Variants in PCDHA3 observed in about 807,000 individuals in gnomAD.
PCDHA3 encodes protocadherin alpha-3.
A neutral mutation model predicts 62.2 loss-of-function variants in PCDHA3; 41 were observed. That is an observed-to-expected ratio of 0.66 (90% CI 0.51 to 0.86). PCDHA3 has a LOEUF of 0.86. Ranked by LOEUF, PCDHA3 falls within the 40% of genes least tolerant of loss-of-function variation. PCDHA3 has a pLI of 0.00. For missense variants in PCDHA3, 1,304 were observed against 1,241.2 expected, an observed-to-expected ratio of 1.05 and a Z score of -0.76; for synonymous variants, 640 against 555.4, an observed-to-expected ratio of 1.15 and a Z score of -2.14.
chr5:140,883,484 T>C, intron 1 of PCDHA3: 1 of 1,614,066 alleles, frequency 6.2e-7, no homozygotes, highest in Non-Finnish European at 8.5e-7. Flanking sequence ...GAACTACTAC[T>C]CATTAGTGCT....
intron 1 of PCDHA3, chr5:140,816,920 G>A (rs1453114177): frequency 3.9e-5 from 6 of 152,042 alleles, no homozygotes; most frequent in African/African-American, 1.2e-4. Context: ...TATAGATTCT[G>A]CTGAATCCTA....
At chr5:140,964,482 G>A (rs1554227054) in intron 1 of PCDHA3, among the ~76,000 whole-genome samples, 1 of 152,144 alleles carries the variant, frequency 6.6e-6, no homozygotes, top group African/African-American at 2.4e-5. Flanking sequence ...TTTTTTCACA[G>A]TCACAGGTCT....
intron 1 of PCDHA3, among the ~76,000 whole-genome samples, chr5:140,945,892 G>T (rs1351699782): frequency 1.3e-5 from 2 of 152,018 alleles, no homozygotes; most frequent in African/African-American, 4.8e-5. Context: ...AGAAAACACA[G>T]TGGGAAAGAT....
intron 1 of PCDHA3, chr5:140,812,355 T>C (rs1413967981): frequency 6.6e-6 from 1 of 152,176 alleles, no homozygotes; most frequent in Non-Finnish European, 1.5e-5. Flanking sequence ...CTCTTTTGTT[T>C]CTGACTTCCA....
At chr5:140,863,101 C>T in intron 1 of PCDHA3, 1 of 580,234 alleles carries the variant, frequency 1.7e-6, no homozygotes, top group Non-Finnish European at 3.4e-6. Flanking sequence ...GACGAGTACC[C>T]TGGACGAGGC....
At chr5:140,956,085 A>T (rs1338013265) in intron 1 of PCDHA3, among the ~76,000 whole-genome samples, 1 of 152,214 alleles carries the variant, frequency 6.6e-6, no homozygotes, top group Admixed American at 6.5e-5. Context: ...GGATCATGTC[A>T]TCTGCAAACA....
At chr5:140,991,026 T>A (rs1003749305) in intron 3 of PCDHA3, among the ~76,000 whole-genome samples, 8 of 152,210 alleles carry the variant, frequency 5.3e-5, no homozygotes, top group Admixed American at 2.0e-4. Context: ...ACTTTACATA[T>A]GTTGCATACT....
chr5:140,857,394 A>G, intron 1 of PCDHA3: 1 of 1,598,398 alleles, frequency 6.3e-7, no homozygotes, highest in Non-Finnish European at 8.6e-7. Flanking sequence ...GACGTGAACG[A>G]CAACGCGCCT....
intron 1 of PCDHA3, chr5:140,856,310 C>T (rs782387382): frequency 5.0e-6 from 8 of 1,598,548 alleles, no homozygotes; most frequent in Non-Finnish European, 6.8e-6. Context: ...TGTGAATTCT[C>T]GGATTGACCG....
chr5:140,993,134 A>G (rs2097542279), intron 3 of PCDHA3, among the ~76,000 whole-genome samples: 1 of 152,238 alleles, frequency 6.6e-6, no homozygotes, highest in African/African-American at 2.4e-5. Flanking sequence ...CTTCTGTTGC[A>G]ACAAGTATAA....
At chr5:140,876,309 TG>T (rs782243460) in intron 1 of PCDHA3, 8 of 1,613,946 alleles carry the variant, frequency 5.0e-6, no homozygotes, top group Non-Finnish European at 6.8e-6. Flanking sequence ...AAATTTCCTA[TG>T]GGATCAAAAT....
At chr5:140,862,769 C>A (rs782429555) in intron 1 of PCDHA3, 1 of 578,770 alleles carries the variant, frequency 1.7e-6, no homozygotes. Context: ...AAGAGGTACG[C>A]GTTGCAGCCA....
intron 1 of PCDHA3, among the ~76,000 whole-genome samples, chr5:140,840,582 C>T (rs1776775651): frequency 6.6e-6 from 1 of 151,916 alleles, no homozygotes; most frequent in African/African-American, 2.4e-5. Flanking sequence ...TCAGAGAAAT[C>T]ATAAAGGAAA....
rs183950754 is a variant in PCDHA3, at chr5:140,960,187, T to G, written c.2395-18762T>G. On this transcript the variant is annotated intron_variant, in intron 1 of 3. Coordinates refer to ENST00000522353, the MANE Select transcript of PCDHA3 (RefSeq NM_018906.3). ...CAATTCTTAAGTTAGGGGTTGCATG[T>G]GTAGTGGTCAGATGTTATTTCAGGA... 3.5e-3 allele frequency among the ~76,000 whole-genome samples: 529 copies of G among 152,196 alleles called. 22 individuals are homozygous for G. Among genetic ancestry groups the G allele is most frequent in the Admixed American group, 0.032 (493 of 15,274 alleles).
At chr5:140,870,992 T>G (rs782714479) in intron 1 of PCDHA3, 3 of 1,613,478 alleles carry the variant, frequency 1.9e-6, no homozygotes, top group Non-Finnish European at 2.5e-6. Flanking sequence ...ACGGGCGAGA[T>G]AAGCACAACG....
Position 140,858,600 on chromosome 5 carries a change from T to A in PCDHA3, c.2394+55009T>A, listed in dbSNP as rs1554151852. The stretch of plus-strand genomic sequence containing the variant: ...GTAATATAATTTATTCCAGGAGTTT[T>A]AAAATTTTTTTATCCTACCCAGTGT... On this transcript the variant is annotated intron_variant, in intron 1 of 3. Coordinates refer to ENST00000522353, the MANE Select transcript of PCDHA3 (RefSeq NM_018906.3). 7.0e-6 allele frequency: 9 copies of A among 1,293,864 alleles called. 2 individuals are homozygous for A. The highest frequency in any genetic ancestry group is 3.0e-5 in the African/African-American group (2 of 67,188). The allele number at this position is 1,293,864 out of a possible 1,614,324, so 80.1% of individuals were successfully genotyped here.
At position 140,802,095 on chromosome 5, in the gene PCDHA3, G is replaced by A; in HGVS notation, c.898G>A (p.Gly300Arg). The change falls in exon 1 of 4, where the codon GGA (glycine) becomes AGA (arginine). Residue 300 changes from glycine to arginine, a missense_variant. Gly to Arg is a moderately radical substitution (Grantham distance 125). Transcript: ENST00000522353. ...LSKFHLDPVN[G>R]QISVKGNIDF... ...AAAATTCCATTTAGATCCAGTCAAT[G>A]GACAAATCAGTGTAAAGGGTAACAT... 1 of 1,614,176 alleles carries A rather than the reference G, an allele frequency of 6.2e-7. No homozygotes were observed.
chr5:140,804,856 C>A (rs73791788), intron 1 of PCDHA3: 5,458 of 529,542 alleles, frequency 0.01, 270 homozygotes, highest in African/African-American at 0.095. Flanking sequence ...AGGTCTAACA[C>A]GTAAAATAGA....
chr5:140,951,793 C>G (rs536005204), intron 1 of PCDHA3, among the ~76,000 whole-genome samples: 1 of 152,126 alleles, frequency 6.6e-6, no homozygotes, highest in African/African-American at 2.4e-5. Flanking sequence ...ATACAATTAT[C>G]CCTTCCCAAT....
Sources: gnomAD v4.1 joint callset for allele counts (sites outside exome capture counted in the v4.1 genomes callset) on GRCh38, gnomAD v4.1.1 for gene constraint, MANE v1.5 for transcripts, NCBI Gene and HGNC (gene_info 2026-07-23, HGNC 2026-07-21) for gene names.